CHST3: variants seen among roughly 807,000 people sequenced by gnomAD.
CHST3 encodes C6ST-1.
A neutral mutation model predicts 35.4 loss-of-function variants in CHST3; 20 were observed. That is an observed-to-expected ratio of 0.57 (90% CI 0.40 to 0.82). The LOEUF (loss-of-function observed/expected upper bound fraction) is 0.82. CHST3 is among the 40% of genes least tolerant of loss of function. The pLI is 0.00. For missense variants in CHST3, 693 were observed against 670.1 expected, an observed-to-expected ratio of 1.03 and a Z score of -0.38; for synonymous variants, 334 against 295.9, an observed-to-expected ratio of 1.13 and a Z score of -1.32.
chr10:71,984,914 C>T (rs1350773701), intron 1 of CHST3, among the ~76,000 whole-genome samples: 4 of 152,196 alleles, frequency 2.6e-5, no homozygotes, highest in Non-Finnish European at 4.4e-5. Context: ...ATACTTGTTT[C>T]ATGTGAGCTT....
At chr10:71,998,025 G>A (rs1286300486) in intron 1 of CHST3, among the ~76,000 whole-genome samples, 1 of 152,132 alleles carries the variant, frequency 6.6e-6, no homozygotes, top group Non-Finnish European at 1.5e-5. Context: ...TGTGCTCCCA[G>A]CTCCTTGGGA....
At chr10:72,003,717 A>G (rs895633424) in intron 1 of CHST3, among the ~76,000 whole-genome samples, 7 of 149,346 alleles carry the variant, frequency 4.7e-5, no homozygotes, top group East Asian at 2.0e-4. Context: ...AAAAAAAAAA[A>G]GGGAATAGAC....
At chr10:71,972,913 A>G (rs1424161558) in intron 1 of CHST3, among the ~76,000 whole-genome samples, 1 of 152,058 alleles carries the variant, frequency 6.6e-6, no homozygotes, top group Non-Finnish European at 1.5e-5. Flanking sequence ...TGCCTGTGGT[A>G]TTATGATTGC....
In CHST3 at chr10:72,007,198, C is replaced by G. The variant is rs749513659; in HGVS notation, c.167C>G (p.Pro56Arg). 6.2e-7 allele frequency: 1 copy of G among 1,614,156 alleles called. No homozygotes were observed. The highest frequency in any genetic ancestry group is 8.5e-7 in the Non-Finnish European group (1 of 1,180,044). ...SRVSDKLKQI[P>R]QALADANSTD... Reference sequence around the variant, plus strand: ...GTCTCAGACAAGCTGAAGCAGATTCCCCAAGCTCTAGCAGATGCCAACAGC... The same window carrying G: ...GTCTCAGACAAGCTGAAGCAGATTCGCCAAGCTCTAGCAGATGCCAACAGC... The change falls in exon 3 of 3, where the codon CCC (proline) becomes CGC (arginine). Residue 56 changes from proline (P) to arginine (R), a missense_variant. Transcript: ENST00000373115.
At chr10:72,005,079 C>T (rs1840025397) in intron 1 of CHST3, among the ~76,000 whole-genome samples, 1 of 152,120 alleles carries the variant, frequency 6.6e-6, no homozygotes, top group Admixed American at 6.5e-5. Flanking sequence ...AAACTATGAT[C>T]GTGCCACTGC....
At chr10:71,971,113 A>G (rs1270720882) in intron 1 of CHST3, among the ~76,000 whole-genome samples, 4 of 152,202 alleles carry the variant, frequency 2.6e-5, no homozygotes, top group Admixed American at 2.0e-4. Flanking sequence ...GGGGAGAGCC[A>G]GGGCTTGGCA....
chr10:71,985,913 G>A (rs1367867672), intron 1 of CHST3, among the ~76,000 whole-genome samples: 1 of 152,036 alleles, frequency 6.6e-6, no homozygotes, highest in Admixed American at 6.5e-5. Context: ...GGCAATACTA[G>A]TCTGTTCTCC....
chr10:71,998,080 A>C (rs1001038986), intron 1 of CHST3, among the ~76,000 whole-genome samples: 1 of 152,196 alleles, frequency 6.6e-6, no homozygotes, highest in Non-Finnish European at 1.5e-5. Context: ...TCGAGGCTGC[A>C]GTGAGCCAAG....
At chr10:71,967,151 G>C (rs1246736377) in intron 1 of CHST3, among the ~76,000 whole-genome samples, 3 of 152,080 alleles carry the variant, frequency 2.0e-5, no homozygotes, top group Admixed American at 2.0e-4. Flanking sequence ...CACCATGCCT[G>C]ACTAATTTTT....
At chr10:71,969,426 C>G (rs1011294219) in intron 1 of CHST3, among the ~76,000 whole-genome samples, 1 of 152,202 alleles carries the variant, frequency 6.6e-6, no homozygotes, top group Non-Finnish European at 1.5e-5. Context: ...GGGCAGGGTC[C>G]TCACTGCTCC....
chr10:71,987,781 A>T (rs371741173), intron 1 of CHST3, among the ~76,000 whole-genome samples: 87 of 152,142 alleles, frequency 5.7e-4, no homozygotes, highest in African/African-American at 2.1e-3. Context: ...GAGCAGAAGA[A>T]ATTCTCCTCT....
At chr10:71,994,267 CA>C (rs55736523) in intron 1 of CHST3, among the ~76,000 whole-genome samples, 18,580 of 128,512 alleles carry the variant, frequency 0.14, 1,069 homozygotes, top group Admixed American at 0.19. Flanking sequence ...AACCCTGTCT[CA>C]AAAAAAAAAA....
In CHST3 at chr10:72,008,228, C is replaced by A; in HGVS notation, c.1197C>A (p.Asp399Glu). The change falls in exon 3 of 3, where the codon GAC (aspartate) becomes GAA (glutamate). Residue 399 changes from aspartate to glutamate, a missense_variant. By Grantham distance (45) the Asp-to-Glu change is conservative (BLOSUM62 2). Transcript: ENST00000373115. ...AGIPLTPQVE[D>E]WIQKNTQAAH... ...TCCCCCTGACCCCGCAGGTGGAAGA[C>A]TGGATCCAAAAGAACACGCAGGCGG... 1 of 1,561,906 alleles carries A rather than the reference C, an allele frequency of 6.4e-7. No homozygotes were observed. The highest frequency in any genetic ancestry group is 8.7e-7 in the Non-Finnish European group (1 of 1,153,300).
chr10:72,008,322 A>G lies in CHST3; in HGVS notation c.1291A>G (p.Ser431Gly), dbSNP rs1231493240. 2.5e-6 allele frequency: 4 copies of G among 1,578,598 alleles called. No homozygotes were observed. Among genetic ancestry groups the G allele is most frequent in the Non-Finnish European group, 3.4e-6 (4 of 1,162,766 alleles). ...SSEQFEKWRF[S>G]MPFKLAQVVQ... ...GGAGCAGTTCGAGAAGTGGCGCTTCAGCATGCCCTTCAAGCTGGCCCAGGT... is the reference window on the plus strand; with the variant it reads ...GGAGCAGTTCGAGAAGTGGCGCTTCGGCATGCCCTTCAAGCTGGCCCAGGT... Residue 431 changes from serine (S) to glycine (G), a missense_variant, in exon 3 of 3, where the codon AGC (serine) becomes GGC (glycine). Ser to Gly is a moderately conservative substitution (Grantham distance 56, BLOSUM62 0). Transcript: ENST00000373115.
rs886047182 is a variant in CHST3 at position 72,013,099 on chromosome 10, A to C, written c.*4628A>C. 1 of 152,300 alleles carries C rather than the reference A, an allele frequency of 6.6e-6. No homozygotes were observed. Among genetic ancestry groups the C allele is most frequent in the Non-Finnish European group, 1.5e-5 (1 of 68,152 alleles). The allele number at this position is 152,300 out of a possible 1,614,324, so 9.4% of individuals were successfully genotyped here. A position where few individuals can be genotyped will look rare whatever the true frequency, so the allele number is the denominator to read the frequency against. ...GTCTGCGTCTTCTGCCATTGGCTTG[A>C]ACTGGGCACCCCCTGAAGTCTCCAT... is the stretch of plus-strand genomic sequence containing the variant. On this transcript the variant is annotated 3_prime_UTR_variant, in exon 3 of 3. Transcript: ENST00000373115.
At chr10:72,004,436 C>A (rs1840019260) in intron 1 of CHST3, among the ~76,000 whole-genome samples, 1 of 152,132 alleles carries the variant, frequency 6.6e-6, no homozygotes, top group Non-Finnish European at 1.5e-5. Flanking sequence ...CTGGGGGAGG[C>A]TGCCTAGAAA....
At chr10:71,986,397 G>T (rs552652739) in intron 1 of CHST3, among the ~76,000 whole-genome samples, 1 of 152,240 alleles carries the variant, frequency 6.6e-6, no homozygotes, top group Non-Finnish European at 1.5e-5. Context: ...TATGCTGTCA[G>T]AGTTGAAAAC....
intron 2 of CHST3, among the ~76,000 whole-genome samples, chr10:72,006,395 T>C (rs367816255): frequency 5.3e-4 from 81 of 152,326 alleles, no homozygotes; most frequent in African/African-American, 1.9e-3. Context: ...GCTGTGACTA[T>C]TACTGTTAAT....
At chr10:71,980,100 A>G (rs1314238953) in intron 1 of CHST3, among the ~76,000 whole-genome samples, 1 of 152,220 alleles carries the variant, frequency 6.6e-6, no homozygotes, top group Admixed American at 6.5e-5. Flanking sequence ...ATTCAGACAA[A>G]TTACAGAAAA....
Sources: allele counts gnomAD v4.1 joint callset (sites outside exome capture counted in the v4.1 genomes callset), GRCh38; gene constraint gnomAD v4.1.1; transcripts MANE v1.5; gene names NCBI Gene and HGNC (gene_info 2026-07-23, HGNC 2026-07-21).